The following ZNRF1 variants were observed in gnomAD, a reference collection of about 807,000 sequenced individuals.
ZNRF1 encodes the protein zinc and ring finger 1, also known as E3 ubiquitin-protein ligase ZNRF1.
In ZNRF1, 3 loss-of-function variants were observed where a neutral mutation model predicts 18.4. The ratio of observed to expected loss-of-function variants is 0.16; its 90% CI spans 0.07 to 0.42. ZNRF1 has a LOEUF of 0.42. Among genes scored for constraint, ZNRF1 ranks in the 10% least tolerant of loss-of-function variants. ZNRF1 has a pLI of 0.99. For synonymous variants in ZNRF1, 157 were observed against 144.2 expected (o/e 1.09, Z -0.64); for missense variants, 310 against 329.8 (o/e 0.94, Z 0.47).
At chr16:75,086,655 A>G (rs2036077898) in intron 1 of ZNRF1, among the ~76,000 whole-genome samples, 1 of 152,198 alleles carries the variant, frequency 6.6e-6, no homozygotes, top group Non-Finnish European at 1.5e-5. Flanking sequence ...CCATTTATGA[A>G]AATTAGTTTA....
intron 1 of ZNRF1, among the ~76,000 whole-genome samples, chr16:75,078,296 C>CTTTTTTTTTT (rs36075131): frequency 1.8e-5 from 2 of 113,126 alleles, no homozygotes; most frequent in Non-Finnish European, 3.5e-5. Context: ...TCTTTCTTTC[C>CTTTTTTTTTT]TTTTTTTTTT....
At chr16:75,099,220 G>A (rs755023618) in intron 2 of ZNRF1, among the ~76,000 whole-genome samples, 27 of 152,320 alleles carry the variant, frequency 1.8e-4, no homozygotes, top group Non-Finnish European at 3.4e-4. Flanking sequence ...TCCCCACAGG[G>A]GCTTTAGGAG....
intron 1 of ZNRF1, among the ~76,000 whole-genome samples, chr16:75,050,026 T>C (rs905725049): frequency 1.3e-5 from 2 of 152,130 alleles, no homozygotes; most frequent in Non-Finnish European, 2.9e-5. Flanking sequence ...CAGCCACTAG[T>C]CTCTTCTCCA....
chr16:75,031,277 G>A (rs1291489697), intron 1 of ZNRF1, among the ~76,000 whole-genome samples: 3 of 151,638 alleles, frequency 2.0e-5, no homozygotes, highest in South Asian at 2.1e-4. Flanking sequence ...GATTACAGGC[G>A]TGCACCACCA....
chr16:75,012,118 A>G (rs920012133), intron 1 of ZNRF1, among the ~76,000 whole-genome samples: 1 of 152,236 alleles, frequency 6.6e-6, no homozygotes, highest in Non-Finnish European at 1.5e-5. Flanking sequence ...TGAGGGGAAC[A>G]TAACCAAAGG....
intron 1 of ZNRF1, among the ~76,000 whole-genome samples, chr16:75,048,764 G>T (rs2035549520): frequency 1.3e-5 from 2 of 152,144 alleles, no homozygotes; most frequent in Non-Finnish European, 2.9e-5. Context: ...CTTGGTTCGG[G>T]TGATCTCTAC....
At chr16:75,059,229 CTTTT>C (rs35291578) in intron 1 of ZNRF1, among the ~76,000 whole-genome samples, 20 of 92,874 alleles carry the variant, frequency 2.2e-4, no homozygotes, top group Admixed American at 1.1e-3. Flanking sequence ...TTCTTTCTTT[CTTTT>C]TTTTTTTTTT....
At chr16:75,066,892 C>T (rs985187362) in intron 1 of ZNRF1, among the ~76,000 whole-genome samples, 3 of 152,002 alleles carry the variant, frequency 2.0e-5, no homozygotes, top group Admixed American at 2.0e-4. Flanking sequence ...AACAAATTAC[C>T]CCAAAACTTA....
intron 1 of ZNRF1, among the ~76,000 whole-genome samples, chr16:75,003,959 AT>A (rs61398639): frequency 0.47 from 68,268 of 146,012 alleles, 16,267 homozygotes; most frequent in Non-Finnish European, 0.55. Context: ...ATCGCCTCAG[AT>A]TTTTTTTTTT....
intron 1 of ZNRF1, among the ~76,000 whole-genome samples, chr16:75,078,765 C>A (rs2035974419): frequency 2.0e-5 from 3 of 152,226 alleles, no homozygotes; most frequent in Non-Finnish European, 4.4e-5. Flanking sequence ...CCTCTTCTTT[C>A]ATAAACATTT....
intron 1 of ZNRF1, among the ~76,000 whole-genome samples, chr16:75,027,736 C>T (rs1263560064): frequency 6.6e-6 from 1 of 152,160 alleles, no homozygotes; most frequent in Non-Finnish European, 1.5e-5. Context: ...AAATCTCTGC[C>T]TACTTTGTGG....
Position 74,999,768 on chromosome 16 carries a change from C to T in ZNRF1, c.97C>T (p.His33Tyr), listed in dbSNP as rs946185507. The stretch of plus-strand genomic sequence containing the variant: ...CGTGCCGCCGCCGGGAGGGGCGCCC[C>T]ATTTCGGGCACTACCGGACGGGCGG... ...SAVPPPGGAPHFGHYRTGGGA... is the reference protein window; with the variant it reads ...SAVPPPGGAPYFGHYRTGGGA... The change falls in exon 1 of 5, where the codon CAT (histidine) becomes TAT (tyrosine). Residue 33 changes from histidine (H) to tyrosine (Y), a missense_variant. This residue lies in a region of ZNRF1 where 293 missense variants were observed against 291.2 expected (regional missense o/e 1.01). Coordinates refer to ENST00000335325, the MANE Select transcript of ZNRF1 (RefSeq NM_032268.5). The T allele has an allele frequency of 7.0e-5, 97 of 1,395,142 alleles. No homozygotes were observed. The highest frequency in any genetic ancestry group is 1.7e-5 in the Non-Finnish European group (18 of 1,081,034). The allele number at this position is 1,395,142 out of a possible 1,614,324, so 86.4% of individuals were successfully genotyped here. A position where few individuals can be genotyped will look rare whatever the true frequency, so the allele number is the denominator to read the frequency against.
chr16:75,106,342 G>T, intron 3 of ZNRF1, 140 bp from the exon 4 acceptor site: 2 of 773,716 alleles, frequency 2.6e-6, no homozygotes, highest in Non-Finnish European at 4.3e-6. Context: ...GATATCTGGG[G>T]ACATGACTGT....
intron 1 of ZNRF1, among the ~76,000 whole-genome samples, chr16:75,074,280 C>T (rs1261951242): frequency 6.6e-6 from 1 of 152,074 alleles, no homozygotes; most frequent in African/African-American, 2.4e-5. Context: ...GTGTGTCAGC[C>T]CCATCCCTAA....
At chr16:75,008,121 C>T (rs1050483487) in intron 1 of ZNRF1, among the ~76,000 whole-genome samples, 3 of 152,106 alleles carry the variant, frequency 2.0e-5, no homozygotes, top group African/African-American at 7.2e-5. Context: ...TCAAGTGAGC[C>T]TTCCACCTCA....
rs1489291637 is a variant in ZNRF1 at position 75,045,965 on chromosome 16, C to T, written c.424+45870C>T. On this transcript the variant is annotated intron_variant, in intron 1 of 4. Transcript: ENST00000335325. ...TTGCCCAAGCTAGAGTACAATGGCA[C>T]GATCTCAGCTCATTGCAATCTCCAC... 3.9e-5 allele frequency among the ~76,000 whole-genome samples: 6 copies of T among 152,110 alleles called. No individual in the cohort carries two copies. In the East Asian group the frequency reaches 5.8e-4, roughly 15 times the overall value.
chr16:75,069,806 C>G (rs532118170), intron 1 of ZNRF1, among the ~76,000 whole-genome samples: 1 of 152,310 alleles, frequency 6.6e-6, no homozygotes, highest in African/African-American at 2.4e-5. Context: ...GATAAACCAG[C>G]TATCTCCACT....
At chr16:75,020,834 G>A (rs1039399139) in intron 1 of ZNRF1, among the ~76,000 whole-genome samples, 18 of 151,408 alleles carry the variant, frequency 1.2e-4, no homozygotes, top group African/African-American at 1.9e-4. Flanking sequence ...GAGCCACCGC[G>A]CCCGGCCCCT....
At position 75,108,593 on chromosome 16, in the gene ZNRF1, T is replaced by C. The variant is rs946041195; in HGVS notation, c.*893T>C. On this transcript the variant is annotated 3_prime_UTR_variant, in exon 5 of 5. Coordinates refer to ENST00000335325, the MANE Select transcript of ZNRF1 (RefSeq NM_032268.5). ...TGCAAGATAGGTTTCTGTATTTATATATTAAAATACAAAAAAAAACTTATA... is the reference window on the plus strand; with the variant it reads ...TGCAAGATAGGTTTCTGTATTTATACATTAAAATACAAAAAAAAACTTATA... 1 of 398,850 alleles carries C rather than the reference T, an allele frequency of 2.5e-6. No homozygotes were observed. Among genetic ancestry groups the C allele is most frequent in the African/African-American group, 2.1e-5 (1 of 48,754 alleles). 24.7% of individuals were successfully genotyped at this position (398,850 alleles called of 1,614,324 possible).
Sources: allele counts gnomAD v4.1 joint callset (sites outside exome capture counted in the v4.1 genomes callset), GRCh38; gene constraint gnomAD v4.1.1; regional missense constraint gnomAD v4.1.1; transcripts MANE v1.5; gene names NCBI Gene and HGNC (gene_info 2026-07-23, HGNC 2026-07-21).